Variants in DST observed in about 807,000 individuals in gnomAD.
The protein encoded by DST is bullous pemphigoid antigen.
DST carries 253 observed loss-of-function variants against 875.2 expected under a neutral mutation model. The ratio of observed to expected loss-of-function variants is 0.29; its 90% CI spans 0.26 to 0.32. DST has a LOEUF of 0.32. DST is among the 10% of genes least tolerant of loss of function. DST has a pLI of 1.00. For synonymous variants in DST, 3,124 were observed against 3,197.1 expected, an observed-to-expected ratio of 0.98 and a Z score of 0.77; for missense variants, 8,287 against 9,111.6, an observed-to-expected ratio of 0.91 and a Z score of 3.68.
chr6:56,687,978 C>T (rs1226168689), intron 9 of DST, among the ~76,000 whole-genome samples: 5 of 152,112 alleles, frequency 3.3e-5, no homozygotes, highest in African/African-American at 1.2e-4. Context: ...AACAAATTAT[C>T]ATTTACTTAT....
chr6:56,828,042 AACTGATGCATGTAGCATC>A (rs2099782861), intron 4 of DST, among the ~76,000 whole-genome samples: 1 of 152,160 alleles, frequency 6.6e-6, no homozygotes, highest in Non-Finnish European at 1.5e-5. Context: ...GCTGTGTTAG[AACTGATGCATGTAGCATC>A]ACATTCTCCT....
At chr6:56,816,437 C>A (rs1347464608) in intron 4 of DST, among the ~76,000 whole-genome samples, 1 of 152,186 alleles carries the variant, frequency 6.6e-6, no homozygotes, top group Non-Finnish European at 1.5e-5. Context: ...AGGCTTCATC[C>A]ACTTCATGCA....
At chr6:56,945,899 A>C (rs1592815163) in intron 2 of DST, 2 of 151,854 alleles carry the variant, frequency 1.3e-5, no homozygotes, top group South Asian at 4.2e-4. Context: ...TGAAGGAAGG[A>C]GGGGAATAGG....
Position 56,608,677 on chromosome 6 carries a change from A to C in DST, c.5951T>G (p.Phe1984Cys). 1 of 1,613,092 alleles carries C rather than the reference A, an allele frequency of 6.2e-7. No individual in the cohort carries two copies. The highest frequency in any genetic ancestry group is 8.5e-7 in the Non-Finnish European group (1 of 1,179,560). The change falls in exon 40 of 104, where the codon TTT (phenylalanine) becomes TGT (cysteine). Residue 1984 changes from phenylalanine to cysteine, a missense_variant. This residue lies in a region of DST where 3,138 missense variants were observed against 3,116.6 expected (regional missense o/e 1.01). Transcript: ENST00000680361. ...HEGLIDRETM[F>C]RLLSAQLLSG... ...AAGAAGCTGTGCACTTAACAACCTA[A>C]ACATGGTTTCACGGTCTATGAGACC...
intron 10 of DST, chr6:56,670,417 T>G (rs972654151): frequency 3.0e-6 from 1 of 329,852 alleles, no homozygotes; most frequent in East Asian, 5.1e-5. Context: ...AAGGCTGTTC[T>G]CGAACTCCCA....
At chr6:56,469,858 C>A in intron 97 of DST, 25 bp downstream of exon 97, 1 of 1,585,638 alleles carries the variant, frequency 6.3e-7, no homozygotes, top group Non-Finnish European at 8.7e-7. Flanking sequence ...TTTAAAGGAA[C>A]TACAACATTA....
intron 4 of DST, among the ~76,000 whole-genome samples, chr6:56,737,348 C>A (rs2099529163): frequency 6.6e-6 from 1 of 152,192 alleles, no homozygotes; most frequent in Admixed American, 6.5e-5. Context: ...GAAAAGGACA[C>A]AAGAAACAGA....
At chr6:56,823,434 C>G (rs1036706150) in intron 4 of DST, among the ~76,000 whole-genome samples, 1 of 151,754 alleles carries the variant, frequency 6.6e-6, no homozygotes, top group Non-Finnish European at 1.5e-5. Flanking sequence ...TTTTTTGAGA[C>G]AGAGTCTCGC....
At chr6:56,670,575 T>C (rs1375785097) in intron 10 of DST, 66 bp downstream of exon 10, 13 of 1,067,194 alleles carry the variant, frequency 1.2e-5, no homozygotes, top group Non-Finnish European at 1.5e-5. Flanking sequence ...AAGATAATTT[T>C]AAAATTCAGA....
At chr6:56,632,805 AG>A (rs1484799508) in intron 28 of DST, 48 bp downstream of exon 28, 10 of 1,536,082 alleles carry the variant, frequency 6.5e-6, no homozygotes, top group Admixed American at 1.7e-5. Context: ...AAAAATAGCC[AG>A]AACTAAACAC....
intron 55 of DST, among the ~76,000 whole-genome samples, chr6:56,567,605 A>G (rs1347269239): frequency 1.3e-5 from 2 of 152,126 alleles, no homozygotes; most frequent in Non-Finnish European, 2.9e-5. Flanking sequence ...GATTAGAAGA[A>G]AAAGGAGAAA....
rs115201502 is a variant in DST at position 56,640,932 on chromosome 6, G to C, written c.2028-327C>G. On this transcript the variant is annotated intron_variant, in intron 17 of 103. Coordinates refer to ENST00000680361, the MANE Select transcript of DST (RefSeq NM_001374736.1). ...TTTTTCAATGAGCATTGTACTATGA[G>C]GACTTTCAATCTTATTTGTCTTTAT... Among the ~76,000 whole-genome samples, 584 of 151,938 alleles carry C rather than the reference G, an allele frequency of 3.8e-3. 4 individuals are homozygous for C. The highest frequency in any genetic ancestry group is 0.014 in the African/African-American group (562 of 41,444).
chr6:56,920,792 T>C (rs1396702322), intron 2 of DST, among the ~76,000 whole-genome samples: 17 of 144,104 alleles, frequency 1.2e-4, no homozygotes, highest in South Asian at 4.7e-4. Context: ...GCAGTAGCAC[T>C]ATCACCACTC....
At chr6:56,882,902 T>C (rs2127640139) in intron 3 of DST, among the ~76,000 whole-genome samples, 1 of 152,328 alleles carries the variant, frequency 6.6e-6, no homozygotes, top group South Asian at 2.1e-4. Context: ...AGTCTCGCTC[T>C]GTCACCCAGG....
chr6:56,730,950 A>G (rs1375109258), intron 5 of DST, among the ~76,000 whole-genome samples: 1 of 152,238 alleles, frequency 6.6e-6, no homozygotes, highest in African/African-American at 2.4e-5. Context: ...TACAAGTTTT[A>G]ATTAATTAGC....
rs762167722 is a variant in DST, at chr6:56,526,485, G to A, written c.18005C>T (p.Pro6002Leu). 18 of 1,613,678 alleles carry A rather than the reference G, an allele frequency of 1.1e-5. No homozygotes were observed. In the African/African-American group the frequency reaches 2.1e-4, roughly 19 times the overall value. ...EVSSALLELV[P>L]WRAREGLEKM... is the part of the protein sequence containing the mutation. ...CTCAAGTCCTTCTCTTGCCCTCCATGGTACCAGTTCCAGCAAAGCACTGCT... is the reference window on the plus strand; with the variant it reads ...CTCAAGTCCTTCTCTTGCCCTCCATAGTACCAGTTCCAGCAAAGCACTGCT... The change falls in exon 69 of 104, where the codon CCA (proline) becomes CTA (leucine). Residue 6002 changes from proline (P) to leucine (L), a missense_variant. Physicochemically the swap from Pro to Leu is moderately conservative, Grantham distance 98. This residue lies in a region of DST where 777 missense variants were observed against 764.8 expected (regional missense o/e 1.02). Coordinates refer to ENST00000680361, the MANE Select transcript of DST (RefSeq NM_001374736.1).
intron 9 of DST, among the ~76,000 whole-genome samples, chr6:56,675,989 C>T (rs148322940): frequency 6.6e-6 from 1 of 152,168 alleles, no homozygotes; most frequent in Non-Finnish European, 1.5e-5. Flanking sequence ...CGAAGAAATG[C>T]AAATTAAAAC....
At chr6:56,558,154 A>C (rs2097459365) in intron 58 of DST, among the ~76,000 whole-genome samples, 1 of 152,136 alleles carries the variant, frequency 6.6e-6, no homozygotes, top group African/African-American at 2.4e-5. Context: ...TCCTAACTCT[A>C]TTATACCCTC....
chr6:56,619,126 T>C, intron 36 of DST: 8 of 1,613,662 alleles, frequency 5.0e-6, no homozygotes, highest in Non-Finnish European at 5.9e-6. Flanking sequence ...GCTCTGTTTT[T>C]GTCTGTTTAT....
Sources: gnomAD v4.1 joint callset for allele counts (sites outside exome capture counted in the v4.1 genomes callset) on GRCh38, gnomAD v4.1.1 for gene constraint, gnomAD v4.1.1 regional missense constraint, MANE v1.5 for transcripts, NCBI Gene and HGNC (gene_info 2026-07-23, HGNC 2026-07-21) for gene names.